AFTPH: variants seen among roughly 807,000 people sequenced by gnomAD.
The protein encoded by AFTPH is aftiphilin protein.
A neutral mutation model predicts 72.5 loss-of-function variants in AFTPH; 7 were observed. The observed-to-expected ratio is 0.10, with a 90% CI of 0.05 to 0.18. The LOEUF (loss-of-function observed/expected upper bound fraction) is 0.18, where lower values mean the gene tolerates loss of function less well. Ranked by LOEUF, AFTPH falls within the 10% of genes least tolerant of loss-of-function variation. The pLI is 1.00. For missense variants in AFTPH, 979 were observed against 1,060.5 expected, an observed-to-expected ratio of 0.92 and a Z score of 1.07; for synonymous variants, 337 against 370.1, an observed-to-expected ratio of 0.91 and a Z score of 1.03.
chr2:64,582,282 A>G (rs1401882543), intron 7 of AFTPH, among the ~76,000 whole-genome samples: 1 of 152,128 alleles, frequency 6.6e-6, no homozygotes, highest in African/African-American at 2.4e-5. Context: ...CCCACTTCCA[A>G]CAGTTGAGCA....
At chr2:64,556,743 T>TA (rs940269478) in intron 2 of AFTPH, among the ~76,000 whole-genome samples, 3 of 152,246 alleles carry the variant, frequency 2.0e-5, no homozygotes, top group African/African-American at 7.2e-5. Flanking sequence ...CTTGCAAAAT[T>TA]AAAAAAATGT....
intron 1 of AFTPH, among the ~76,000 whole-genome samples, chr2:64,527,673 G>A (rs1042381318): frequency 6.6e-6 from 1 of 151,932 alleles, no homozygotes; most frequent in Non-Finnish European, 1.5e-5. Context: ...TTTAAAAAAA[G>A]GACAGGAAAG....
intron 2 of AFTPH, among the ~76,000 whole-genome samples, chr2:64,555,565 A>T (rs1331338190): frequency 6.7e-6 from 1 of 149,770 alleles, no homozygotes; most frequent in African/African-American, 2.5e-5. Flanking sequence ...TCACACACAC[A>T]CACACACACA....
chr2:64,566,534 G>A (rs1405596914), intron 2 of AFTPH, among the ~76,000 whole-genome samples: 1 of 152,048 alleles, frequency 6.6e-6, no homozygotes, highest in South Asian at 2.1e-4. Flanking sequence ...TGCTTTTACA[G>A]TCTGTGTCAA....
At chr2:64,576,157 ATG>A (rs1237282342) in intron 6 of AFTPH, among the ~76,000 whole-genome samples, 12 of 140,276 alleles carry the variant, frequency 8.6e-5, no homozygotes, top group African/African-American at 2.6e-4. Context: ...GTGTGTGTGT[ATG>A]TATATATATA....
chr2:64,569,310 T>G, intron 4 of AFTPH, 92 bp downstream of exon 4: 1 of 1,447,466 alleles, frequency 6.9e-7, no homozygotes, highest in Non-Finnish European at 9.3e-7. Context: ...GGTAAGCTAG[T>G]TCCTCAGAAA....
rs185872616 is a variant in AFTPH at position 64,584,838 on chromosome 2, T to C, written c.2456-584T>C. 1.1e-3 allele frequency among the ~76,000 whole-genome samples: 166 copies of C among 152,224 alleles called. No homozygotes were observed. In the East Asian group the frequency reaches 0.019, roughly 18 times the overall value. On this transcript the variant is annotated intron_variant, in intron 7 of 8. Transcript: ENST00000238856. ...GTCTTGATCTCCTGACTTTGTGATC[T>C]GCCCGCCTCGGCCTCCCAAAGTGCT...
At chr2:64,584,152 T>C (rs1280065917) in intron 7 of AFTPH, among the ~76,000 whole-genome samples, 4 of 152,196 alleles carry the variant, frequency 2.6e-5, no homozygotes, top group African/African-American at 9.6e-5. Flanking sequence ...TCTCAAGTTA[T>C]TTGCTGGTAC....
chr2:64,537,722 T>C (rs1355600141), intron 1 of AFTPH, among the ~76,000 whole-genome samples: 2 of 152,254 alleles, frequency 1.3e-5, no homozygotes, highest in African/African-American at 2.4e-5. Flanking sequence ...TTGAAGGTAG[T>C]ATGAATTTGA....
intron 1 of AFTPH, among the ~76,000 whole-genome samples, chr2:64,535,812 G>A (rs1025182704): frequency 2.0e-5 from 3 of 152,204 alleles, no homozygotes; most frequent in Admixed American, 6.5e-5. Context: ...GGAGAATCCA[G>A]AGGTAATTTT....
chr2:64,548,689 C>A (rs1047132617), intron 1 of AFTPH, among the ~76,000 whole-genome samples: 33 of 152,026 alleles, frequency 2.2e-4, no homozygotes, highest in African/African-American at 7.7e-4. Flanking sequence ...ATAGGAACTT[C>A]ATAATTAGAG....
chr2:64,533,823 CAG>C (rs1669753611), intron 1 of AFTPH, among the ~76,000 whole-genome samples: 1 of 152,060 alleles, frequency 6.6e-6, no homozygotes, highest in Non-Finnish European at 1.5e-5. Context: ...ATATTGCTAA[CAG>C]ATTCAATTTT....
chr2:64,562,024 C>G (rs1338098402), intron 2 of AFTPH, among the ~76,000 whole-genome samples: 1 of 152,154 alleles, frequency 6.6e-6, no homozygotes, highest in African/African-American at 2.4e-5. Context: ...GACTTTGGAT[C>G]AAATATCTGC....
chr2:64,551,386 A>G lies in AFTPH; in HGVS notation c.-32-57A>G. On this transcript the variant is annotated intron_variant, in intron 1 of 8. Transcript: ENST00000238856. ...TAAAGTAGCTTTGAGAGAATTTTGA[A>G]AGATCTTGTTCTATGTAATCTGTCC... 3 of 1,344,350 alleles carry G rather than the reference A, an allele frequency of 2.2e-6. No homozygotes were observed. The South Asian group carries it at 4.6e-5, about 20-fold the overall frequency. The allele number at this position is 1,344,350 out of a possible 1,614,324, so 83.3% of individuals were successfully genotyped here.
At chr2:64,553,214 A>G (rs1671154891) in exon 2 of AFTPH, 5 of 1,614,170 alleles carry the variant, frequency 3.1e-6, no homozygotes, top group Non-Finnish European at 4.2e-6. Context: ...ATGAACAAAA[A>G]GATAGTTGTT....
chr2:64,552,186 T>A, exon 2 of AFTPH: 1 of 1,613,816 alleles, frequency 6.2e-7, no homozygotes, highest in Non-Finnish European at 8.5e-7. Context: ...TGCCACATTT[T>A]CCAAAAAGGA....
chr2:64,537,318 G>T (rs774684174), intron 1 of AFTPH, among the ~76,000 whole-genome samples: 1 of 152,034 alleles, frequency 6.6e-6, no homozygotes, highest in Non-Finnish European at 1.5e-5. Context: ...ACCACCTGTC[G>T]GGTACTATGC....
chr2:64,579,378 T>C, intron 6 of AFTPH, 108 bp from the exon 7 acceptor site: 1 of 750,904 alleles, frequency 1.3e-6, no homozygotes, highest in Non-Finnish European at 2.1e-6. Flanking sequence ...ATTTTGTCTT[T>C]AGGTACTTTG....
chr2:64,555,959 G>A (rs1222608465), intron 2 of AFTPH, among the ~76,000 whole-genome samples: 1 of 151,156 alleles, frequency 6.6e-6, no homozygotes, highest in Admixed American at 6.6e-5. Flanking sequence ...AGTTGCTCCG[G>A]ACAGTGTTTG....
Sources: allele counts gnomAD v4.1 joint callset (sites outside exome capture counted in the v4.1 genomes callset), GRCh38; gene constraint gnomAD v4.1.1; transcripts MANE v1.5; gene names NCBI Gene and HGNC (gene_info 2026-07-23, HGNC 2026-07-21).